STXBP5L: variants seen among roughly 807,000 people sequenced by gnomAD.
STXBP5L encodes the protein syntaxin binding protein 5L.
Under a neutral mutation model 144.5 loss-of-function variants are expected in STXBP5L, and 65 were observed. That is an observed-to-expected ratio of 0.45 (90% CI 0.37 to 0.55). The LOEUF (loss-of-function observed/expected upper bound fraction) is 0.55, where lower values mean the gene tolerates loss of function less well. Among genes scored for constraint, STXBP5L ranks in the 20% least tolerant of loss-of-function variants. STXBP5L has a pLI of 0.00. For missense variants in STXBP5L, 1,298 were observed against 1,405.5 expected (o/e 0.92, Z 1.22); for synonymous variants, 505 against 469.6 (o/e 1.08, Z -0.97).
intron 24 of STXBP5L, among the ~76,000 whole-genome samples, chr3:121,413,553 G>A (rs9829579): frequency 0.14 from 21,746 of 152,084 alleles, 1,945 homozygotes; most frequent in African/African-American, 0.24. Context: ...CATATTAATA[G>A]CTAATCTTTT....
intron 5 of STXBP5L, among the ~76,000 whole-genome samples, chr3:121,098,030 T>C (rs1396658775): frequency 6.6e-6 from 1 of 152,222 alleles, no homozygotes; most frequent in Non-Finnish European, 1.5e-5. Flanking sequence ...TGATGTTTTT[T>C]AAATGAAAAT....
rs1009321062 is a variant in STXBP5L at position 121,029,378 on chromosome 3, A to G, written c.288-12322A>G. Among the ~76,000 whole-genome samples, 67 of 152,224 alleles carry G rather than the reference A, an allele frequency of 4.4e-4. 1 individual carries two copies. Among genetic ancestry groups the G allele is most frequent in the Non-Finnish European group, 6.5e-4 (44 of 68,006 alleles). On this transcript the variant is annotated intron_variant, in intron 3 of 26. Transcript: ENST00000471454. ...ACAGAGGCCTCAGAAATAACACCAC[A>G]CATCTACAACCATCTGATCTTTGAC...
At chr3:121,053,390 A>C (rs1948183693) in intron 5 of STXBP5L, among the ~76,000 whole-genome samples, 1 of 152,208 alleles carries the variant, frequency 6.6e-6, no homozygotes, top group Non-Finnish European at 1.5e-5. Context: ...GTACCAAAAC[A>C]GAGATATAGA....
At chr3:121,013,614 A>T (rs1430383268) in intron 3 of STXBP5L, among the ~76,000 whole-genome samples, 5 of 151,910 alleles carry the variant, frequency 3.3e-5, no homozygotes, top group Non-Finnish European at 7.4e-5. Flanking sequence ...CCCATTCTGT[A>T]GGTCATTTGT....
At chr3:120,984,996 C>G (rs1439831673) in intron 3 of STXBP5L, among the ~76,000 whole-genome samples, 1 of 151,982 alleles carries the variant, frequency 6.6e-6, no homozygotes, top group Non-Finnish European at 1.5e-5. Flanking sequence ...ATTCTTGCAT[C>G]TCAGGAATAA....
At chr3:121,347,930 C>T (rs1475076270) in intron 20 of STXBP5L, among the ~76,000 whole-genome samples, 6 of 152,256 alleles carry the variant, frequency 3.9e-5, no homozygotes, top group South Asian at 2.1e-4. Flanking sequence ...TCCTCTTTTC[C>T]GAATTGAATA....
At chr3:121,059,269 G>C (rs1006759320) in intron 5 of STXBP5L, among the ~76,000 whole-genome samples, 1 of 152,134 alleles carries the variant, frequency 6.6e-6, no homozygotes, top group Non-Finnish European at 1.5e-5. Flanking sequence ...GTTTGTCAAA[G>C]ATCAGATGGT....
intron 19 of STXBP5L, among the ~76,000 whole-genome samples, chr3:121,289,986 C>T (rs999551772): frequency 1.3e-5 from 2 of 151,918 alleles, no homozygotes; most frequent in Non-Finnish European, 2.9e-5. Flanking sequence ...AATCTAAGGT[C>T]ACACCTCAAG....
rs549774696 is a variant in STXBP5L at position 121,047,752 on chromosome 3, G to A, written c.470+2217G>A. On this transcript the variant is annotated intron_variant, in intron 5 of 26. Coordinates refer to ENST00000471454, the MANE Select transcript of STXBP5L (RefSeq NM_001308330.2). ...AGCCTATGGGTGTCATTACATGTGA[G>A]ATGGGTCTCTTGAAGACAGCATACC... 3.3e-5 allele frequency among the ~76,000 whole-genome samples: 5 copies of A among 152,258 alleles called. 1 individual carries two copies. The South Asian group carries it at 1.0e-3, about 32-fold the overall frequency.
intron 2 of STXBP5L, 80 bp downstream of exon 2, chr3:120,909,847 G>A: frequency 7.2e-7 from 1 of 1,398,370 alleles, no homozygotes; most frequent in South Asian, 1.4e-5. Context: ...AACATACCAG[G>A]AACAGGAAAC....
intron 9 of STXBP5L, among the ~76,000 whole-genome samples, chr3:121,165,397 A>G (rs1016067683): frequency 1.3e-5 from 2 of 152,128 alleles, no homozygotes; most frequent in African/African-American, 2.4e-5. Flanking sequence ...CCAGGCTACC[A>G]TTTTATTGTT....
intron 11 of STXBP5L, among the ~76,000 whole-genome samples, chr3:121,224,669 A>C (rs1353221865): frequency 6.6e-6 from 1 of 152,182 alleles, no homozygotes. Flanking sequence ...TAGTAATAGC[A>C]GTTTTTGGAA....
intron 2 of STXBP5L, among the ~76,000 whole-genome samples, chr3:120,914,478 A>G (rs540617924): frequency 6.6e-6 from 1 of 152,232 alleles, no homozygotes; most frequent in South Asian, 2.1e-4. Flanking sequence ...AAATAGGTAT[A>G]GATCAGAAAT....
At chr3:121,012,770 C>T (rs749199899) in intron 3 of STXBP5L, among the ~76,000 whole-genome samples, 1 of 151,806 alleles carries the variant, frequency 6.6e-6, no homozygotes, top group African/African-American at 2.4e-5. Flanking sequence ...GTTTGGGCTT[C>T]TAATGATCCC....
intron 5 of STXBP5L, among the ~76,000 whole-genome samples, chr3:121,078,568 A>C (rs534062768): frequency 6.6e-6 from 1 of 152,330 alleles, no homozygotes; most frequent in South Asian, 2.1e-4. Context: ...GGGACTGGGC[A>C]CCATGGAGCA....
At chr3:120,945,397 A>G (rs73185485) in intron 2 of STXBP5L, among the ~76,000 whole-genome samples, 19,836 of 151,782 alleles carry the variant, frequency 0.13, 1,624 homozygotes, top group Non-Finnish European at 0.19. Flanking sequence ...TTTTCTATAC[A>G]TGGTAGTTTC....
chr3:121,348,266 C>T (rs548399391), intron 20 of STXBP5L, among the ~76,000 whole-genome samples: 85 of 152,068 alleles, frequency 5.6e-4, no homozygotes, highest in Middle Eastern at 3.4e-3. Context: ...TGTTTATTGA[C>T]TTGCATATGT....
At position 121,419,468 on chromosome 3, in the gene STXBP5L, CT is replaced by C. The variant is rs1214918406; in HGVS notation, c.*373del. 1 of 162,740 alleles carries C rather than the reference CT, an allele frequency of 6.1e-6. No individual in the cohort carries two copies. The highest frequency in any genetic ancestry group is 1.3e-5 in the Non-Finnish European group (1 of 75,442). 10.1% of individuals were successfully genotyped at this position (162,740 alleles called of 1,614,324 possible). A position where few individuals can be genotyped will look rare whatever the true frequency, so the allele number is the denominator to read the frequency against. On this transcript the variant is annotated 3_prime_UTR_variant, in exon 27 of 27. Coordinates refer to ENST00000471454, the MANE Select transcript of STXBP5L (RefSeq NM_001308330.2). ...AAATCTTTGCATGATAAATTAACAT[CT>C]TAAGGGGAAAAGAAAAAAAAGCATG...
chr3:120,946,555 A>G (rs868508330), intron 2 of STXBP5L, among the ~76,000 whole-genome samples: 2 of 151,700 alleles, frequency 1.3e-5, no homozygotes, highest in Non-Finnish European at 2.9e-5. Flanking sequence ...TAAAACTTCT[A>G]TTAGTATAGA....
Sources: gnomAD v4.1 joint callset for allele counts (sites outside exome capture counted in the v4.1 genomes callset) on GRCh38, gnomAD v4.1.1 for gene constraint, MANE v1.5 for transcripts, NCBI Gene and HGNC (gene_info 2026-07-23, HGNC 2026-07-21) for gene names.